Variants in RBFOX1 observed in about 807,000 individuals in gnomAD.
The protein encoded by RBFOX1 is RNA binding fox-1 homolog 1.
Under a neutral mutation model 57.7 loss-of-function variants are expected in RBFOX1, and 8 were observed. That is an observed-to-expected ratio of 0.14 (90% confidence interval 0.08 to 0.25). The LOEUF is 0.25. RBFOX1 is among the 10% of genes least tolerant of loss of function. RBFOX1 has a pLI of 1.00. For missense variants in RBFOX1, 611 were observed against 548.5 expected (o/e 1.11, Z -1.14); for synonymous variants, 326 against 222.4 (o/e 1.47, Z -4.15).
At chr16:7,146,075 G>T (rs958040596) in intron 4 of RBFOX1, among the ~76,000 whole-genome samples, 2 of 152,166 alleles carry the variant, frequency 1.3e-5, no homozygotes, top group Admixed American at 6.5e-5. Context: ...TGTTCCAAAT[G>T]GGGGCAAGAA....
At chr16:5,985,444 A>C (rs376639656) in intron 4 of RBFOX1, among the ~76,000 whole-genome samples, 1 of 152,114 alleles carries the variant, frequency 6.6e-6, no homozygotes, top group African/African-American at 2.4e-5. Context: ...CATTTTACGG[A>C]TGAAGAAATG....
At chr16:6,836,187 G>C (rs2093082390) in intron 3 of RBFOX1, among the ~76,000 whole-genome samples, 1 of 152,166 alleles carries the variant, frequency 6.6e-6, no homozygotes, top group South Asian at 2.1e-4. Context: ...TATTGAATAT[G>C]TTAGTCATTT....
intron 3 of RBFOX1, among the ~76,000 whole-genome samples, chr16:6,945,857 C>G (rs113772807): frequency 1.3e-5 from 2 of 152,340 alleles, no homozygotes; most frequent in African/African-American, 4.8e-5. Flanking sequence ...AATCACTGCA[C>G]TCCCCACTGG....
chr16:7,469,615 C>G (rs190073783), intron 4 of RBFOX1, among the ~76,000 whole-genome samples: 12 of 152,248 alleles, frequency 7.9e-5, no homozygotes, highest in South Asian at 2.1e-4. Flanking sequence ...TTCCCATGCA[C>G]CCACACTCCG....
chr16:5,974,617 A>T (rs2060026392), intron 4 of RBFOX1, among the ~76,000 whole-genome samples: 1 of 150,662 alleles, frequency 6.6e-6, no homozygotes, highest in African/African-American at 2.5e-5. Context: ...CTCAAAAGAA[A>T]TAAAATAAAA....
Position 6,779,229 on chromosome 16 carries a change from A to AT in RBFOX1, c.-16+124586dup, listed in dbSNP as rs1391570659. ...TCTACTCTGTATCTCCATGAGATCA[A>AT]TTTTTTTAGCTCCCGCATTTGTATG... On this transcript the variant is annotated intron_variant, in intron 3 of 15. Transcript: ENST00000550418. Among the ~76,000 whole-genome samples, 5 of 151,976 alleles carry AT rather than the reference A, an allele frequency of 3.3e-5. No homozygotes were observed. In the South Asian group the frequency reaches 1.0e-3, roughly 32 times the overall value.
chr16:6,231,239 G>GGTATGTGT lies in RBFOX1; in HGVS notation c.-126-85754_-126-85753insATGTGTGT, dbSNP rs113555714. 2.3e-3 allele frequency among the ~76,000 whole-genome samples: 338 copies of GGTATGTGT among 149,342 alleles called. 2 individuals carry two copies. The highest frequency in any genetic ancestry group is 7.1e-3 in the African/African-American group (288 of 40,614). ...GTTTGTGTGTGTGTGTGTGTGTGTA[G>GGTATGTGT]GTGTGTGTGTGTGTGTGTGTTCCTT... is the stretch of plus-strand genomic sequence containing the variant. On this transcript the variant is annotated intron_variant, in intron 1 of 15. Coordinates refer to ENST00000550418, the MANE Select transcript of RBFOX1 (RefSeq NM_018723.4).
At chr16:7,460,680 T>A (rs2059422520) in intron 4 of RBFOX1, among the ~76,000 whole-genome samples, 1 of 151,802 alleles carries the variant, frequency 6.6e-6, no homozygotes, top group South Asian at 2.1e-4. Flanking sequence ...CACGTTTACC[T>A]GTGTAACAAT....
Position 6,302,947 on chromosome 16 carries a change from T to C in RBFOX1, c.-126-14048T>C, listed in dbSNP as rs1031615830. Among the ~76,000 whole-genome samples the C allele has an allele frequency of 7.2e-5, 11 of 152,340 alleles. No individual in the cohort carries two copies. The East Asian group carries it at 1.7e-3, about 24-fold the overall frequency. ...TAAATGACTTGAAAAAATGATATTA[T>C]CAGTGAAGGCACTTCACATATTTTA... On this transcript the variant is annotated intron_variant, in intron 1 of 15. Coordinates refer to ENST00000550418, the MANE Select transcript of RBFOX1 (RefSeq NM_018723.4).
chr16:7,095,809 G>A (rs146981258), intron 4 of RBFOX1, among the ~76,000 whole-genome samples: 1 of 152,186 alleles, frequency 6.6e-6, no homozygotes, highest in African/African-American at 2.4e-5. Flanking sequence ...TCAGGAGATC[G>A]AGACCATCCT....
rs181773987 is a variant in RBFOX1 at position 7,243,020 on chromosome 16, G to A, written c.27+190922G>A. Among the ~76,000 whole-genome samples, 10 of 152,194 alleles carry A rather than the reference G, an allele frequency of 6.6e-5. No homozygotes were observed. The East Asian group carries it at 1.2e-3, about 18-fold the overall frequency. ...TTTTTGTTACTTGGATTTTCAGGAT[G>A]TCAAGCCCTGGCATTTTTAATATAA... is the stretch of plus-strand genomic sequence containing the variant. On this transcript the variant is annotated intron_variant, in intron 4 of 15. Transcript: ENST00000550418.
intron 9 of RBFOX1, among the ~76,000 whole-genome samples, chr16:7,602,544 G>A (rs1459815882): frequency 1.3e-5 from 2 of 152,164 alleles, no homozygotes; most frequent in East Asian, 3.9e-4. Flanking sequence ...GGATCATTTT[G>A]TTCATCTTCC....
chr16:7,475,997 ACT>A (rs1164074782), intron 4 of RBFOX1, among the ~76,000 whole-genome samples: 4 of 151,222 alleles, frequency 2.6e-5, no homozygotes, highest in Non-Finnish European at 4.4e-5. Context: ...ACAGGGTCTC[ACT>A]CTGTCACCCA....
At chr16:6,376,003 G>T (rs2091127994) in intron 2 of RBFOX1, among the ~76,000 whole-genome samples, 1 of 152,136 alleles carries the variant, frequency 6.6e-6, no homozygotes. Context: ...TTTGTTTCAT[G>T]ACTCAGTCAT....
At chr16:6,875,086 T>C (rs2061594800) in intron 3 of RBFOX1, among the ~76,000 whole-genome samples, 1 of 152,118 alleles carries the variant, frequency 6.6e-6, no homozygotes, top group South Asian at 2.1e-4. Flanking sequence ...GGACTCAAAA[T>C]GTAGGTTGTA....
intron 3 of RBFOX1, among the ~76,000 whole-genome samples, chr16:7,018,933 A>G (rs1351316014): frequency 5.9e-5 from 9 of 152,200 alleles, no homozygotes; most frequent in Non-Finnish European, 1.0e-4. Flanking sequence ...AGCCTGGGCA[A>G]CACAGTGAGA....
intron 4 of RBFOX1, among the ~76,000 whole-genome samples, chr16:7,516,579 G>A (rs2076403126): frequency 1.3e-5 from 2 of 152,144 alleles, no homozygotes; most frequent in South Asian, 4.1e-4. Context: ...CTCAACATAG[G>A]CACACCCTCC....
chr16:6,736,124 A>G (rs1218228383), intron 3 of RBFOX1, among the ~76,000 whole-genome samples: 3 of 152,166 alleles, frequency 2.0e-5, no homozygotes, highest in African/African-American at 4.8e-5. Flanking sequence ...CATAAATACA[A>G]TTTATGTCCA....
chr16:7,392,895 A>G (rs1251091024), intron 4 of RBFOX1, among the ~76,000 whole-genome samples: 1 of 150,380 alleles, frequency 6.6e-6, no homozygotes, highest in Non-Finnish European at 1.5e-5. Context: ...TTGTTTTGAG[A>G]CAGAGTCTTG....
Sources: gnomAD v4.1 joint callset for allele counts (sites outside exome capture counted in the v4.1 genomes callset) on GRCh38, gnomAD v4.1.1 for gene constraint, MANE v1.5 for transcripts, NCBI Gene and HGNC (gene_info 2026-07-23, HGNC 2026-07-21) for gene names.